Variants in PLEKHA6 observed in about 807,000 individuals in gnomAD.
PLEKHA6 encodes pleckstrin homology domain containing A6.
A neutral mutation model predicts 116.7 loss-of-function variants in PLEKHA6; 60 were observed. The ratio of observed to expected loss-of-function variants is 0.51; its 90% confidence interval spans 0.42 to 0.64. PLEKHA6 has a LOEUF of 0.64. Among genes scored for constraint, PLEKHA6 ranks in the 30% least tolerant of loss-of-function variants. The pLI is 0.00. For missense variants in PLEKHA6, 1,338 were observed against 1,422.7 expected, an observed-to-expected ratio of 0.94 and a Z score of 0.96; for synonymous variants, 489 against 556.1, an observed-to-expected ratio of 0.88 and a Z score of 1.70.
chr1:204,262,889 G>C (rs1223854792), intron 6 of PLEKHA6, among the ~76,000 whole-genome samples: 1 of 151,924 alleles, frequency 6.6e-6, no homozygotes, highest in African/African-American at 2.4e-5. Flanking sequence ...GGGATAGAGA[G>C]ACCAGGGGCC....
chr1:204,243,806 T>C (rs1663202217), intron 15 of PLEKHA6, among the ~76,000 whole-genome samples: 1 of 152,102 alleles, frequency 6.6e-6, no homozygotes. Context: ...TTTATTTTAT[T>C]TTTCTTTTTT....
chr1:204,308,116 G>A (rs1208984491), intron 1 of PLEKHA6, among the ~76,000 whole-genome samples: 1 of 152,190 alleles, frequency 6.6e-6, no homozygotes, highest in Non-Finnish European at 1.5e-5. Context: ...GGCCAGGTGA[G>A]ACTAGGAAGG....
At chr1:204,291,204 A>C (rs1311477303) in intron 1 of PLEKHA6, among the ~76,000 whole-genome samples, 1 of 152,200 alleles carries the variant, frequency 6.6e-6, no homozygotes, top group Non-Finnish European at 1.5e-5. Context: ...GAGAAATGCA[A>C]ATTGAAACTA....
At chr1:204,349,316 A>G (rs551846381) in intron 1 of PLEKHA6, among the ~76,000 whole-genome samples, 1 of 152,086 alleles carries the variant, frequency 6.6e-6, no homozygotes, top group Non-Finnish European at 1.5e-5. Context: ...AGGCGGGCGG[A>G]TCACTTGAGG....
At chr1:204,225,287 T>C (rs530312851) in intron 21 of PLEKHA6, among the ~76,000 whole-genome samples, 1 of 152,308 alleles carries the variant, frequency 6.6e-6, no homozygotes, top group South Asian at 2.1e-4. Context: ...TGATAATACA[T>C]GAGCAAGAAG....
chr1:204,341,040 C>T (rs1672827205), intron 1 of PLEKHA6, among the ~76,000 whole-genome samples: 1 of 152,206 alleles, frequency 6.6e-6, no homozygotes, highest in South Asian at 2.1e-4. Context: ...CTGTACAGCA[C>T]ACCCGGTGCC....
At chr1:204,344,495 G>A (rs887361786) in intron 1 of PLEKHA6, among the ~76,000 whole-genome samples, 1 of 151,456 alleles carries the variant, frequency 6.6e-6, no homozygotes, top group African/African-American at 2.4e-5. Flanking sequence ...AGCTGCTCCA[G>A]AGGCTGAGGC....
At chr1:204,230,271 C>T (rs1660976916) in intron 18 of PLEKHA6, 142 bp downstream of exon 18, 1 of 594,754 alleles carries the variant, frequency 1.7e-6, no homozygotes, top group Non-Finnish European at 2.9e-6. Flanking sequence ...AGAGGACTCT[C>T]CGGCTCTCCC....
At chr1:204,267,610 T>C in intron 4 of PLEKHA6, 63 bp from the exon 5 acceptor site, 1 of 1,427,874 alleles carries the variant, frequency 7.0e-7, no homozygotes, top group Non-Finnish European at 9.9e-7. Context: ...GGAGATGGGA[T>C]GCAGGGAAAA....
intron 1 of PLEKHA6, chr1:204,327,031 TCAGCCTCTCCC>T: frequency 1.0e-6 from 1 of 984,984 alleles, no homozygotes; most frequent in Non-Finnish European, 1.2e-6. Context: ...TACTTGGGTT[TCAGCCTCTCCC>T]CAGTCTCTCT....
intron 1 of PLEKHA6, among the ~76,000 whole-genome samples, chr1:204,291,074 T>C (rs1275977785): frequency 1.3e-5 from 2 of 150,260 alleles, no homozygotes; most frequent in African/African-American, 4.9e-5. Flanking sequence ...ATAACGCACA[T>C]AGGACTTTTA....
rs1308469743 is a variant in PLEKHA6, at chr1:204,257,309, G to A, written c.1524+44C>T. The A allele has an allele frequency of 3.3e-6, 5 of 1,529,878 alleles. No individual in the cohort carries two copies. The highest frequency in any genetic ancestry group is 4.9e-5 in the East Asian group (2 of 41,014). The allele number at this position is 1,529,878 out of a possible 1,614,324, so 94.8% of individuals were successfully genotyped here. A position where few individuals can be genotyped will look rare whatever the true frequency, so the allele number is the denominator to read the frequency against. On this transcript the variant is annotated intron_variant, in intron 9 of 22. Transcript: ENST00000272203. The surrounding 1 kb of genome is among the most constrained non-coding windows in gnomAD (Gnocchi z 6.5). ...CTCAGTAGATGGTCTTAGGCTTCTG[G>A]GGACCTCAGGGGATGAGGAAGGAAG...
intron 3 of PLEKHA6, among the ~76,000 whole-genome samples, 175 bp from the exon 4 acceptor site, chr1:204,268,487 T>C (rs2102857964): frequency 6.6e-6 from 1 of 152,112 alleles, no homozygotes; most frequent in African/African-American, 2.4e-5. Context: ...AGCAGAGACT[T>C]TCAGTTCTTT....
At chr1:204,354,177 T>G (rs1673357683) in intron 1 of PLEKHA6, among the ~76,000 whole-genome samples, 1 of 152,102 alleles carries the variant, frequency 6.6e-6, no homozygotes, top group African/African-American at 2.4e-5. Flanking sequence ...GGACCTCACC[T>G]CCTCCTTAAA....
chr1:204,308,647 A>G (rs529368898), intron 1 of PLEKHA6, among the ~76,000 whole-genome samples: 1 of 148,950 alleles, frequency 6.7e-6, no homozygotes, highest in East Asian at 2.0e-4. Context: ...CACTACCTCC[A>G]GTCGCCAGCT....
At chr1:204,303,656 ACT>A (rs1321652584) in intron 1 of PLEKHA6, among the ~76,000 whole-genome samples, 3 of 152,138 alleles carry the variant, frequency 2.0e-5, no homozygotes, top group Non-Finnish European at 4.4e-5. Flanking sequence ...AGACTCAGAC[ACT>A]CTAATACCCC....
At chr1:204,289,722 T>C (rs1404936422) in intron 1 of PLEKHA6, among the ~76,000 whole-genome samples, 1 of 152,220 alleles carries the variant, frequency 6.6e-6, no homozygotes, top group Non-Finnish European at 1.5e-5. Context: ...TGAAATGATC[T>C]ATGACTTAGA....
At chr1:204,265,134 T>C (rs1453307757) in intron 5 of PLEKHA6, 92 bp from the exon 6 acceptor site, 11 of 847,320 alleles carry the variant, frequency 1.3e-5, no homozygotes, top group South Asian at 5.5e-5. Context: ...TGTCCCTCCC[T>C]GATAAATATC....
intron 1 of PLEKHA6, among the ~76,000 whole-genome samples, chr1:204,354,769 A>G (rs1017829836): frequency 2.6e-5 from 4 of 152,226 alleles, no homozygotes; most frequent in African/African-American, 9.6e-5. Flanking sequence ...TTTATCAGAT[A>G]AGCTTGCGCT....
Sources: allele counts gnomAD v4.1 joint callset (sites outside exome capture counted in the v4.1 genomes callset), GRCh38; gene constraint gnomAD v4.1.1; non-coding constraint Gnocchi (gnomAD v3.1); transcripts MANE v1.5; gene names NCBI Gene and HGNC (gene_info 2026-07-23, HGNC 2026-07-21).